The following ZNF641 variants were observed in gnomAD, a reference collection of about 807,000 sequenced individuals.
ZNF641 encodes the protein zinc finger protein 641.
A neutral mutation model predicts 46.2 loss-of-function variants in ZNF641; 26 were observed. That is an observed-to-expected ratio of 0.56 (90% CI 0.41 to 0.78). ZNF641 has a LOEUF of 0.78. ZNF641 is among the 30% of genes least tolerant of loss of function. The pLI is 0.00. For synonymous variants in ZNF641, 163 were observed against 187.9 expected (o/e 0.87, Z 1.09); for missense variants, 469 against 517.8 (o/e 0.91, Z 0.91).
In ZNF641 at chr12:48,340,612, T is replaced by G. The variant is rs770111021; in HGVS notation, c.*2361A>C. 1 of 985,450 alleles carries G rather than the reference T, an allele frequency of 1.0e-6. No individual in the cohort carries two copies. The highest frequency in any genetic ancestry group is 1.2e-6 in the Non-Finnish European group (1 of 829,938). The allele number at this position is 985,450 out of a possible 1,614,324, so 61.0% of individuals were successfully genotyped here. The stretch of plus-strand genomic sequence containing the variant: ...ACAAATATATAATGACCATTTTAGA[T>G]CGGGGAACTCCCTTTCTTTGAAGGC... On this transcript the variant is annotated 3_prime_UTR_variant, in exon 6 of 6. Transcript: ENST00000547026.
At chr12:48,344,069 ATGTTAT>A (rs1209244491) in intron 5 of ZNF641, among the ~76,000 whole-genome samples, 1 of 152,220 alleles carries the variant, frequency 6.6e-6, no homozygotes, top group Non-Finnish European at 1.5e-5. Context: ...TAAATTGTAT[ATGTTAT>A]TGTTATTATT....
rs1381783727 is a variant in ZNF641, at chr12:48,339,266, C to A, written c.*3707G>T. 1 of 152,154 alleles carries A rather than the reference C, an allele frequency of 6.6e-6. No individual in the cohort carries two copies. Among genetic ancestry groups the A allele is most frequent in the Non-Finnish European group, 1.5e-5 (1 of 68,034 alleles). 9.4% of individuals were successfully genotyped at this position (152,154 alleles called of 1,614,324 possible). A position where few individuals can be genotyped will look rare whatever the true frequency, so the allele number is the denominator to read the frequency against. On this transcript the variant is annotated 3_prime_UTR_variant, in exon 6 of 6. Coordinates refer to ENST00000547026, the MANE Select transcript of ZNF641 (RefSeq NM_001172681.2). ...AACCTGACAACAGGAGTGTGAAGATCCATCCGAAAAGGGTGAGGTACCACT... is the reference window on the plus strand; with the variant it reads ...AACCTGACAACAGGAGTGTGAAGATACATCCGAAAAGGGTGAGGTACCACT...
chr12:48,344,786 A>C (rs1952820877), intron 4 of ZNF641, 74 bp from the exon 5 acceptor site: 1 of 916,172 alleles, frequency 1.1e-6, no homozygotes, highest in Non-Finnish European at 1.7e-6. Flanking sequence ...AAAAAATACA[A>C]AAAACTGTTT....
chr12:48,342,724 T>A lies in ZNF641; in HGVS notation c.*249A>T. The stretch of plus-strand genomic sequence containing the variant: ...GTACCACTCTCCTCTTGAGAACAGC[T>A]CAGGCTGAATATCAGCCCATGTAGG... On this transcript the variant is annotated 3_prime_UTR_variant, in exon 6 of 6. Coordinates refer to ENST00000547026, the MANE Select transcript of ZNF641 (RefSeq NM_001172681.2). 8.0e-7 allele frequency: 1 copy of A among 1,251,874 alleles called. No homozygotes were observed. Among genetic ancestry groups the A allele is most frequent in the East Asian group, 3.0e-5 (1 of 33,450 alleles). The allele number at this position is 1,251,874 out of a possible 1,614,324, so 77.5% of individuals were successfully genotyped here. A position where few individuals can be genotyped will look rare whatever the true frequency, so the allele number is the denominator to read the frequency against.
At position 48,343,597 on chromosome 12, in the gene ZNF641, G is replaced by C. The variant is rs769693871; in HGVS notation, c.651C>G (p.Ser217Arg). Residue 217 changes from serine (S) to arginine (R), a missense_variant, in exon 6 of 6, where the codon AGC becomes AGG. By Grantham distance (110) the Ser-to-Arg change is moderately radical. This residue lies in a region of ZNF641 where 346 missense variants were observed against 354.0 expected (regional missense o/e 0.98). Transcript: ENST00000547026. The stretch of plus-strand genomic sequence containing the variant: ...GCCCCAGGAGCATTCCTCTGGAGCT[G>C]CTGGGCATGGAATCCCAGCTCTCAT... ...EHDESWDSMP[S>R]SSRGMLLGPP... 1.2e-6 allele frequency: 2 copies of C among 1,605,122 alleles called. No individual in the cohort carries two copies. Among genetic ancestry groups the C allele is most frequent in the Admixed American group, 3.4e-5 (2 of 59,066 alleles).
chr12:48,344,603 A>C lies in ZNF641; in HGVS notation c.516T>G (p.Tyr172Ter). ...LEERDILRVT[Y>*]TGDGSEHEGD... ...AAGCCTATTCTAGGTTCTTACCTGT[A>C]TATGTGACCCTCAGAATGTCCCTCT... The change falls in exon 5 of 6, where the codon TAT becomes TAG. Residue 172 changes from tyrosine to a stop codon, truncating the protein, a stop_gained. Coordinates refer to ENST00000547026, the MANE Select transcript of ZNF641 (RefSeq NM_001172681.2). LOFTEE classifies it high-confidence loss of function. 6.2e-7 allele frequency: 1 copy of C among 1,603,912 alleles called. No individual in the cohort carries two copies. The highest frequency in any genetic ancestry group is 2.2e-5 in the East Asian group (1 of 44,826).
At position 48,346,946 on chromosome 12, in the gene ZNF641, G is replaced by T. The variant is rs141184861; in HGVS notation, c.276+306C>A. On this transcript the variant is annotated intron_variant, in intron 3 of 5. Coordinates refer to ENST00000547026, the MANE Select transcript of ZNF641 (RefSeq NM_001172681.2). ...GAATCGCTTGAACCCAGAAGGTGGA[G>T]GTTGCAGGGAGCCAAGATCATACCA... Among the ~76,000 whole-genome samples the T allele has an allele frequency of 3.3e-5, 5 of 152,310 alleles. No homozygotes were observed. In the East Asian group the frequency reaches 9.7e-4, roughly 29 times the overall value.
intron 3 of ZNF641, 159 bp downstream of exon 3, chr12:48,347,093 G>T: frequency 7.7e-7 from 1 of 1,301,512 alleles, no homozygotes; most frequent in Non-Finnish European, 1.0e-6. Flanking sequence ...ATTTTCCAAG[G>T]GTCTTATGAC....
rs908743753 is a variant in ZNF641, at chr12:48,342,280, G to A, written c.*693C>T. On this transcript the variant is annotated 3_prime_UTR_variant, in exon 6 of 6. Coordinates refer to ENST00000547026, the MANE Select transcript of ZNF641 (RefSeq NM_001172681.2). ...TTTTTTCAGCAGGTGAGGGTGAGAG[G>A]TGATGTATATACTGCTGATTGGCAT... The A allele has an allele frequency of 2.0e-6, 2 of 985,292 alleles. No homozygotes were observed. The highest frequency in any genetic ancestry group is 6.2e-5 in the Admixed American group (1 of 16,256). 61.0% of individuals were successfully genotyped at this position (985,292 alleles called of 1,614,324 possible).
At chr12:48,349,921 C>G (rs538732549) in intron 1 of ZNF641, 1 of 1,133,510 alleles carries the variant, frequency 8.8e-7, no homozygotes, top group Admixed American at 1.7e-5. Context: ...CCCCAGGTAG[C>G]AGAGTCTCTT....
rs541447028 is a variant in ZNF641 at position 48,338,766 on chromosome 12, T to C, written c.*4207A>G. The C allele has an allele frequency of 3.3e-5, 5 of 152,378 alleles. No individual in the cohort carries two copies. The highest frequency in any genetic ancestry group is 1.2e-4 in the African/African-American group (5 of 41,586). 9.4% of individuals were successfully genotyped at this position (152,378 alleles called of 1,614,324 possible). On this transcript the variant is annotated 3_prime_UTR_variant, in exon 6 of 6. Transcript: ENST00000547026. ...GGGGACTCTGATGTTCCTGCTGCCC[T>C]TGCCCATAGGGTATGCCAAATCATG...
At position 48,350,810 on chromosome 12, in the gene ZNF641, C is replaced by G. The variant is rs1337344764; in HGVS notation, c.-50G>C. 2 of 984,656 alleles carry G rather than the reference C, an allele frequency of 2.0e-6. No homozygotes were observed. The highest frequency in any genetic ancestry group is 1.7e-5 in the African/African-American group (1 of 57,234). The allele number at this position is 984,656 out of a possible 1,614,324, so 61.0% of individuals were successfully genotyped here. A position where few individuals can be genotyped will look rare whatever the true frequency, so the allele number is the denominator to read the frequency against. On this transcript the variant is annotated 5_prime_UTR_variant, in exon 1 of 6. Transcript: ENST00000547026. ...CCCCCGGTAGGCTTGGCCCGCGGCC[C>G]GGTGCCTCCCTCCCGGGCGCCGCCT...
rs1952683121 is a variant in ZNF641 at position 48,340,030 on chromosome 12, A to T, written c.*2943T>A. 2.0e-5 allele frequency: 20 copies of T among 985,346 alleles called. No individual in the cohort carries two copies. The highest frequency in any genetic ancestry group is 2.3e-5 in the Non-Finnish European group (19 of 829,944). The allele number at this position is 985,346 out of a possible 1,614,324, so 61.0% of individuals were successfully genotyped here. On this transcript the variant is annotated 3_prime_UTR_variant, in exon 6 of 6. Transcript: ENST00000547026. The stretch of plus-strand genomic sequence containing the variant: ...CTGTTTTACATTTTGCCCAAAGAGA[A>T]CACAGAGATTCTTTTTATTTAAAGG...
At chr12:48,343,748 C>T in intron 5 of ZNF641, 21 bp from the exon 6 acceptor site, 1 of 1,450,872 alleles carries the variant, frequency 6.9e-7, no homozygotes, top group Non-Finnish European at 9.1e-7. Flanking sequence ...GGGGAAATAC[C>T]AACCCCAAGA....
chr12:48,335,162 TA>T (rs1475994454), downstream of ZNF641, among the ~76,000 whole-genome samples: 2 of 152,194 alleles, frequency 1.3e-5, no homozygotes, highest in Non-Finnish European at 1.5e-5. Context: ...TTTTGCCACA[TA>T]AAAAACCCAG....
Position 48,347,789 on chromosome 12 carries a change from G to A in ZNF641, c.184+118C>T, listed in dbSNP as rs987645053. ...ACCAGGGCTGAGAAAGAATGGGCTG[G>A]TCCTGGTACAGGTTATGCTATTTAG... On this transcript the variant is annotated intron_variant, in intron 2 of 5. Coordinates refer to ENST00000547026, the MANE Select transcript of ZNF641 (RefSeq NM_001172681.2). 21 of 962,088 alleles carry A rather than the reference G, an allele frequency of 2.2e-5. No homozygotes were observed. In the African/African-American group the frequency reaches 2.5e-4, roughly 11 times the overall value. 59.6% of individuals were successfully genotyped at this position (962,088 alleles called of 1,614,324 possible). A position where few individuals can be genotyped will look rare whatever the true frequency, so the allele number is the denominator to read the frequency against.
chr12:48,343,325 CACCTGCTGGTCTTGT>C lies in ZNF641; in HGVS notation c.908_922del (p.Asp303_Cys308delinsGly). 1 of 1,614,222 alleles carries C rather than the reference CACCTGCTGGTCTTGT, an allele frequency of 6.2e-7. No individual in the cohort carries two copies. On this transcript the variant is annotated inframe_deletion, in exon 6 of 6. Transcript: ENST00000547026. ...TCGGAAATTCTTACCACACTCAGAGCACCTGCTGGTCTTGTCATGTAGGTGGGTTTTCTGGTGCCT... is the reference window on the plus strand; with the variant it reads ...TCGGAAATTCTTACCACACTCAGAGCCATGTAGGTGGGTTTTCTGGTGCCT...
Position 48,345,339 on chromosome 12 carries a change from G to A in ZNF641, c.406+6C>T, listed in dbSNP as rs1336021033. The A allele has an allele frequency of 1.2e-6, 2 of 1,613,492 alleles. No homozygotes were observed. Among genetic ancestry groups the A allele is most frequent in the Non-Finnish European group, 1.7e-6 (2 of 1,179,758 alleles). On this transcript the variant is annotated splice_donor_region_variant and intron_variant, in intron 4 of 5. Transcript: ENST00000547026. ...TCTTCTAGTGGCTGGAGAAGGTCAT[G>A]CTTACTCAGAGAGACTACTATCCCA... is the stretch of plus-strand genomic sequence containing the variant.
In ZNF641 at chr12:48,340,282, A is replaced by C; in HGVS notation, c.*2691T>G. On this transcript the variant is annotated 3_prime_UTR_variant, in exon 6 of 6. Coordinates refer to ENST00000547026, the MANE Select transcript of ZNF641 (RefSeq NM_001172681.2). ...CCTTTCAGCTGGGTGCTATACTTGC[A>C]CCTAACTCTGGGGGCTTCACTTTCT... is the stretch of plus-strand genomic sequence containing the variant. 1.0e-6 allele frequency: 1 copy of C among 985,426 alleles called. No homozygotes were observed. The highest frequency in any genetic ancestry group is 1.7e-5 in the African/African-American group (1 of 57,362). 61.0% of individuals were successfully genotyped at this position (985,426 alleles called of 1,614,324 possible).
Sources: gnomAD v4.1 joint callset for allele counts (sites outside exome capture counted in the v4.1 genomes callset) on GRCh38, gnomAD v4.1.1 for gene constraint, gnomAD v4.1.1 regional missense constraint, MANE v1.5 for transcripts, NCBI Gene and HGNC (gene_info 2026-07-23, HGNC 2026-07-21) for gene names.